The following DNM3 variants were observed in gnomAD, a reference collection of about 807,000 sequenced individuals.
DNM3 encodes dynamin 3.
DNM3 carries 47 observed loss-of-function variants against 101.6 expected under a neutral mutation model. That is an observed-to-expected ratio of 0.46 (90% CI 0.37 to 0.59). DNM3 has a LOEUF of 0.59. DNM3 is among the 20% of genes least tolerant of loss of function. The pLI is 0.00. For missense variants in DNM3, 849 were observed against 1,085.7 expected (o/e 0.78, Z 3.06); for synonymous variants, 385 against 387.9 (o/e 0.99, Z 0.09).
chr1:172,363,027 G>A (rs1271350681), intron 17 of DNM3, among the ~76,000 whole-genome samples: 1 of 151,374 alleles, frequency 6.6e-6, no homozygotes, highest in African/African-American at 2.4e-5. Flanking sequence ...CTCCTTAACT[G>A]TGAATATTCA....
chr1:172,106,146 G>T (rs1425942069), intron 13 of DNM3, among the ~76,000 whole-genome samples: 1 of 152,062 alleles, frequency 6.6e-6, no homozygotes, highest in East Asian at 1.9e-4. Context: ...GTATGATAAA[G>T]AAATAAATAT....
intron 14 of DNM3, among the ~76,000 whole-genome samples, chr1:172,146,310 C>T (rs2057896086): frequency 6.6e-6 from 1 of 152,126 alleles, no homozygotes; most frequent in Admixed American, 6.5e-5. Flanking sequence ...TAGCACACTA[C>T]TGAAGAGTTC....
chr1:172,304,403 T>C (rs565054040), intron 15 of DNM3, among the ~76,000 whole-genome samples: 2 of 152,030 alleles, frequency 1.3e-5, no homozygotes, highest in South Asian at 4.2e-4. Flanking sequence ...CTTAGAGACC[T>C]ACAAAGAGAC....
chr1:171,905,031 A>T (rs2038702459), intron 1 of DNM3, among the ~76,000 whole-genome samples: 1 of 152,152 alleles, frequency 6.6e-6, no homozygotes. Context: ...GGCATATCTG[A>T]TATTTAGATT....
At chr1:172,169,437 T>C (rs1347523889) in intron 14 of DNM3, among the ~76,000 whole-genome samples, 1 of 151,998 alleles carries the variant, frequency 6.6e-6, no homozygotes, top group Non-Finnish European at 1.5e-5. Context: ...CATCCTATCA[T>C]TGGGCATTTA....
At position 172,295,376 on chromosome 1, in the gene DNM3, AC is replaced by A. The variant is rs575740573; in HGVS notation, c.1770-13351del. Among the ~76,000 whole-genome samples, 445 of 152,302 alleles carry A rather than the reference AC, an allele frequency of 2.9e-3. 5 individuals are homozygous for A. Among genetic ancestry groups the A allele is most frequent in the African/African-American group, 9.9e-3 (410 of 41,576 alleles). ...CTAATAAATGCTTAAATATAACAAAACTGAATACAATTAAAAGAAGGAAAAG... is the reference window on the plus strand; with the variant it reads ...CTAATAAATGCTTAAATATAACAAAATGAATACAATTAAAAGAAGGAAAAG... On this transcript the variant is annotated intron_variant, in intron 15 of 20. Transcript: ENST00000627582.
chr1:172,232,868 C>A (rs1557855879), intron 14 of DNM3, among the ~76,000 whole-genome samples: 2 of 152,172 alleles, frequency 1.3e-5, no homozygotes, highest in Admixed American at 6.5e-5. Flanking sequence ...ATACCAGAAT[C>A]TCTGGGACAC....
chr1:172,337,951 T>C (rs1196522670), intron 17 of DNM3, among the ~76,000 whole-genome samples: 3 of 148,100 alleles, frequency 2.0e-5, no homozygotes, highest in Non-Finnish European at 4.5e-5. Flanking sequence ...AGTCTGGCTT[T>C]TGTCCCCTAG....
At chr1:172,302,163 G>T (rs964694370) in intron 15 of DNM3, among the ~76,000 whole-genome samples, 1 of 152,208 alleles carries the variant, frequency 6.6e-6, no homozygotes, top group African/African-American at 2.4e-5. Context: ...GGACATTCCC[G>T]ACTAAATACT....
At chr1:172,050,715 C>T (rs1206199905) in intron 10 of DNM3, among the ~76,000 whole-genome samples, 1 of 152,152 alleles carries the variant, frequency 6.6e-6, no homozygotes, top group East Asian at 1.9e-4. Flanking sequence ...GAAAGCAAAA[C>T]TGGAAATCAT....
chr1:171,932,923 C>G (rs2041140694), intron 2 of DNM3, among the ~76,000 whole-genome samples: 1 of 152,176 alleles, frequency 6.6e-6, no homozygotes, highest in South Asian at 2.1e-4. Flanking sequence ...TGAGCTCCTT[C>G]AAGAAGGCCT....
intron 14 of DNM3, among the ~76,000 whole-genome samples, chr1:172,156,929 G>A (rs1000892828): frequency 6.6e-6 from 1 of 151,970 alleles, no homozygotes; most frequent in Non-Finnish European, 1.5e-5. Context: ...TGCAAAATTG[G>A]GAGTAATAGA....
chr1:172,308,229 A>G lies in DNM3; in HGVS notation c.1770-499A>G, dbSNP rs192864647. On this transcript the variant is annotated intron_variant, in intron 15 of 20. Coordinates refer to ENST00000627582, the MANE Select transcript of DNM3 (RefSeq NM_015569.5). ...ATGCACTTCATTGGCATCTCACCCT[A>G]TTAAACACTGGTTATCAGTCTTTCC... Among the ~76,000 whole-genome samples, 420 of 152,310 alleles carry G rather than the reference A, an allele frequency of 2.8e-3. 1 individual carries two copies. Among genetic ancestry groups the G allele is most frequent in the African/African-American group, 9.5e-3 (394 of 41,578 alleles).
chr1:171,882,743 G>A (rs898952554), intron 1 of DNM3, among the ~76,000 whole-genome samples: 1 of 151,808 alleles, frequency 6.6e-6, no homozygotes, highest in Non-Finnish European at 1.5e-5. Flanking sequence ...TATTTTTGAA[G>A]GGTATATGCC....
intron 16 of DNM3, among the ~76,000 whole-genome samples, chr1:172,315,755 C>A (rs1267531965): frequency 6.6e-6 from 1 of 152,108 alleles, no homozygotes; most frequent in Non-Finnish European, 1.5e-5. Flanking sequence ...ACCAAATCTG[C>A]GTCTGATTGG....
Position 172,388,679 on chromosome 1 carries a change from C to A in DNM3, c.2392C>A (p.Pro798Thr), listed in dbSNP as rs774513620. ...GPAPAIPSPGPHSGAPPVPFR... is the reference protein window; with the variant it reads ...GPAPAIPSPGTHSGAPPVPFR... ...AGCTCCTGCCATTCCCTCTCCTGGC[C>A]CCCACTCTGGGGCTCCTCCAGTCCC... The change falls in exon 20 of 21, where the codon CCC (proline) becomes ACC (threonine). Residue 798 changes from proline (P) to threonine (T), a missense_variant. Around this residue, in one of 5 missense-constraint regions of DNM3, gnomAD observed 256 missense variants for 311.7 expected, o/e 0.82. Coordinates refer to ENST00000627582, the MANE Select transcript of DNM3 (RefSeq NM_015569.5). 5 of 1,613,958 alleles carry A rather than the reference C, an allele frequency of 3.1e-6. No individual in the cohort carries two copies. The highest frequency in any genetic ancestry group is 4.2e-6 in the Non-Finnish European group (5 of 1,179,896).
At chr1:172,366,404 C>T (rs560585331) in intron 17 of DNM3, 1 of 151,856 alleles carries the variant, frequency 6.6e-6, no homozygotes, top group African/African-American at 2.4e-5. Context: ...TGATTATTAG[C>T]AAATTTATCT....
At chr1:172,165,345 T>A (rs963403007) in intron 14 of DNM3, among the ~76,000 whole-genome samples, 1 of 152,124 alleles carries the variant, frequency 6.6e-6, no homozygotes, top group African/African-American at 2.4e-5. Flanking sequence ...AAAGATATTT[T>A]ACTTTAAGGA....
chr1:172,403,791 G>A (rs1311859235), intron 20 of DNM3, among the ~76,000 whole-genome samples: 1 of 152,084 alleles, frequency 6.6e-6, no homozygotes, highest in Non-Finnish European at 1.5e-5. Context: ...TCAATATAAT[G>A]CCTTACTTAA....
Sources: gnomAD v4.1 joint callset for allele counts (sites outside exome capture counted in the v4.1 genomes callset) on GRCh38, gnomAD v4.1.1 for gene constraint, gnomAD v4.1.1 regional missense constraint, MANE v1.5 for transcripts, NCBI Gene and HGNC (gene_info 2026-07-23, HGNC 2026-07-21) for gene names.